MAST4: variants seen among roughly 807,000 people sequenced by gnomAD.
MAST4 encodes the protein microtubule-associated serine/threonine-protein kinase 4.
A neutral mutation model predicts 162.7 loss-of-function variants in MAST4; 89 were observed. The observed-to-expected ratio is 0.55, with a 90% CI of 0.46 to 0.65. The LOEUF is 0.65. MAST4 is among the 30% of genes least tolerant of loss of function. MAST4 has a pLI of 0.00. For synonymous variants in MAST4, 1,479 were observed against 1,361.1 expected (o/e 1.09, Z -1.91); for missense variants, 3,153 against 3,374.0 (o/e 0.93, Z 1.62).
At chr5:67,049,507 T>TC (rs1757904927) in intron 4 of MAST4, among the ~76,000 whole-genome samples, 3 of 152,168 alleles carry the variant, frequency 2.0e-5, no homozygotes, top group Non-Finnish European at 4.4e-5. Context: ...GTTCATCTTC[T>TC]CTAAAGGTGT....
chr5:67,081,049 T>C (rs1762573512), intron 5 of MAST4, among the ~76,000 whole-genome samples: 1 of 127,734 alleles, frequency 7.8e-6, no homozygotes, highest in Non-Finnish European at 1.6e-5. Flanking sequence ...TATATAATTG[T>C]ATATATTATA....
intron 4 of MAST4, among the ~76,000 whole-genome samples, chr5:66,952,323 TTAAGA>T (rs951711518): frequency 2.6e-5 from 4 of 152,132 alleles, no homozygotes; most frequent in African/African-American, 7.2e-5. Flanking sequence ...CAGTGAACAC[TTAAGA>T]TATGTTCTTC....
chr5:66,763,522 T>C (rs1348577262), intron 2 of MAST4, among the ~76,000 whole-genome samples: 1 of 152,174 alleles, frequency 6.6e-6, no homozygotes, highest in South Asian at 2.1e-4. Context: ...ATTATCTAAA[T>C]AGCTGGCAAA....
intron 1 of MAST4, among the ~76,000 whole-genome samples, chr5:66,723,587 A>G (rs761631772): frequency 3.0e-4 from 46 of 152,276 alleles, no homozygotes; most frequent in Admixed American, 5.9e-4. Flanking sequence ...CGAGATGAGA[A>G]GAATTTGATT....
At chr5:66,678,445 G>A (rs1422667051) in intron 1 of MAST4, among the ~76,000 whole-genome samples, 2 of 151,962 alleles carry the variant, frequency 1.3e-5, no homozygotes, top group Admixed American at 1.3e-4. Context: ...TGTGAGGCAA[G>A]TATGTTCATT....
chr5:66,647,784 C>A (rs1745939482), intron 1 of MAST4, among the ~76,000 whole-genome samples: 1 of 152,086 alleles, frequency 6.6e-6, no homozygotes, highest in African/African-American at 2.4e-5. Context: ...GCCATAAATG[C>A]TTCTTGAGAA....
At chr5:66,649,776 C>T (rs1211833468) in intron 1 of MAST4, among the ~76,000 whole-genome samples, 1 of 149,192 alleles carries the variant, frequency 6.7e-6, no homozygotes, top group African/African-American at 2.6e-5. Context: ...ATAAGCACTC[C>T]CTGTTTCACT....
chr5:66,833,736 C>T (rs935023769), intron 3 of MAST4, among the ~76,000 whole-genome samples: 1 of 152,124 alleles, frequency 6.6e-6, no homozygotes, highest in African/African-American at 2.4e-5. Context: ...TCTGAACTTG[C>T]TAATAGTCAT....
chr5:67,130,536 G>A, intron 15 of MAST4, 118 bp downstream of exon 15: 1 of 918,352 alleles, frequency 1.1e-6, no homozygotes, highest in Non-Finnish European at 1.6e-6. Flanking sequence ...CTGAAGCCAG[G>A]CAATGAAATG....
intron 4 of MAST4, among the ~76,000 whole-genome samples, chr5:67,042,075 A>G (rs567364074): frequency 8.3e-4 from 126 of 152,358 alleles, no homozygotes; most frequent in African/African-American, 2.9e-3. Context: ...AATTTAAAAC[A>G]GAACTGTCTC....
intron 6 of MAST4, chr5:67,094,192 G>A (rs1764175848): frequency 1.4e-6 from 2 of 1,451,078 alleles, no homozygotes; most frequent in African/African-American, 1.4e-5. Context: ...TCTTAACATT[G>A]TAGTAGTTCT....
chr5:66,972,590 C>T (rs1747579312), intron 4 of MAST4, among the ~76,000 whole-genome samples: 1 of 152,216 alleles, frequency 6.6e-6, no homozygotes, highest in Non-Finnish European at 1.5e-5. Flanking sequence ...CCTGTTGATT[C>T]TGCCTTCTCA....
chr5:66,884,833 G>A (rs1761935223), intron 3 of MAST4, among the ~76,000 whole-genome samples: 1 of 152,188 alleles, frequency 6.6e-6, no homozygotes. Flanking sequence ...CGGCAGAGTT[G>A]TGCCTTCTCA....
At chr5:67,110,332 C>A in intron 11 of MAST4, 133 bp downstream of exon 11, 1 of 649,504 alleles carries the variant, frequency 1.5e-6, no homozygotes, top group Non-Finnish European at 2.8e-6. Flanking sequence ...AACTTGTGAA[C>A]GTTTATGATG....
At chr5:66,893,372 AT>A (rs34342512) in intron 3 of MAST4, among the ~76,000 whole-genome samples, 301 of 143,248 alleles carry the variant, frequency 2.1e-3, no homozygotes, top group Middle Eastern at 0.014. Flanking sequence ...CGCCCAGCTA[AT>A]TTTTTTTTTT....
At chr5:67,008,189 A>G (rs1441178231) in intron 4 of MAST4, among the ~76,000 whole-genome samples, 1 of 152,228 alleles carries the variant, frequency 6.6e-6, no homozygotes, top group African/African-American at 2.4e-5. Context: ...TTTGAGGGAC[A>G]GAAACCTAGG....
At chr5:66,724,744 A>G (rs775971519) in intron 1 of MAST4, among the ~76,000 whole-genome samples, 27 of 152,108 alleles carry the variant, frequency 1.8e-4, no homozygotes, top group Admixed American at 7.2e-4. Flanking sequence ...TTATATCTAA[A>G]TGTATCCAAA....
rs1388288263 is a variant in MAST4 at position 67,166,818 on chromosome 5, C to G, written c.7639C>G (p.Arg2547Gly). The G allele has an allele frequency of 1.1e-5, 18 of 1,604,496 alleles. No individual in the cohort carries two copies. Among genetic ancestry groups the G allele is most frequent in the Non-Finnish European group, 1.5e-5 (18 of 1,176,040 alleles). The change falls in exon 29 of 29, where the codon CGG becomes GGG. Residue 2547 changes from arginine to glycine, a missense_variant. This residue lies in a region of MAST4 where 1,644 missense variants were observed against 1,495.0 expected (regional missense o/e 1.10). Coordinates refer to ENST00000403625, the MANE Select transcript of MAST4 (RefSeq NM_001164664.2). ...AAACACCATGGGCGGGGCCAGCCAC[C>G]GGGACAGGGCTCTCTCGGTGACTGC... ...DPNTMGGASH[R>G]DRALSVTATV...
At chr5:67,057,071 C>A (rs1758923179) in intron 5 of MAST4, among the ~76,000 whole-genome samples, 1 of 152,156 alleles carries the variant, frequency 6.6e-6, no homozygotes, top group Non-Finnish European at 1.5e-5. Context: ...GGAAGCCTGT[C>A]AGACTTTCTG....
Sources: allele counts gnomAD v4.1 joint callset (sites outside exome capture counted in the v4.1 genomes callset), GRCh38; gene constraint gnomAD v4.1.1; regional missense constraint gnomAD v4.1.1; transcripts MANE v1.5; gene names NCBI Gene and HGNC (gene_info 2026-07-23, HGNC 2026-07-21).